Variants in ZCCHC4 observed in about 807,000 individuals in gnomAD.
ZCCHC4 encodes rRNA N(6)-adenosine-methyltransferase ZCCHC4.
Under a neutral mutation model 67.7 loss-of-function variants are expected in ZCCHC4, and 54 were observed. That is an observed-to-expected ratio of 0.80 (90% CI 0.64 to 1.00). The LOEUF is 1.00. Ranked by LOEUF, ZCCHC4 falls within the 50% of genes least tolerant of loss-of-function variation. ZCCHC4 has a pLI of 0.00. For missense variants in ZCCHC4, 609 were observed against 617.0 expected (o/e 0.99, Z 0.14); for synonymous variants, 198 against 213.5 (o/e 0.93, Z 0.63).
At position 25,369,985 on chromosome 4, in the gene ZCCHC4, G is replaced by C. The variant is rs889388347; in HGVS notation, c.*821G>C. 3 of 152,102 alleles carry C rather than the reference G, an allele frequency of 2.0e-5. No homozygotes were observed. Among genetic ancestry groups the C allele is most frequent in the African/African-American group, 7.2e-5 (3 of 41,424 alleles). The allele number at this position is 152,102 out of a possible 1,614,324, so 9.4% of individuals were successfully genotyped here. ...TGGAAAGGGTTTTTACAAAGGCACT[G>C]TTTAGATATACAGATTATAATTATA... On this transcript the variant is annotated 3_prime_UTR_variant, in exon 13 of 13. Coordinates refer to ENST00000302874, the MANE Select transcript of ZCCHC4 (RefSeq NM_024936.3).
At position 25,333,956 on chromosome 4, in the gene ZCCHC4, CA is replaced by C; in HGVS notation, c.655del (p.Ile219LeufsTer56). 1.2e-6 allele frequency: 2 copies of C among 1,605,580 alleles called. No individual in the cohort carries two copies. The highest frequency in any genetic ancestry group is 1.7e-6 in the Non-Finnish European group (2 of 1,178,022). On this transcript the variant is annotated frameshift_variant, in exon 5 of 13. Coordinates refer to ENST00000302874, the MANE Select transcript of ZCCHC4 (RefSeq NM_024936.3). LOFTEE classifies it high-confidence loss of function. ...CAGCATCAGGTGACAAGAAGTCTAA[CA>C]TTAAAAGCCTTTTATTGGATATTGA... ...LTASGDKKSNIKSLLLDIDFR... is the reference protein window; with the variant it reads ...LTASGDKKSNXKSLLLDIDFR...
chr4:25,368,867 CTTG>C (rs199843270), intron 12 of ZCCHC4, among the ~76,000 whole-genome samples, 159 bp from the exon 13 acceptor site: 1,583 of 152,166 alleles, frequency 0.01, 36 homozygotes, highest in African/African-American at 0.035. Context: ...TGACTCTTCC[CTTG>C]TTGTTATGGT....
chr4:25,328,967 C>T (rs1719034779), intron 3 of ZCCHC4, among the ~76,000 whole-genome samples: 1 of 152,044 alleles, frequency 6.6e-6, no homozygotes, highest in Non-Finnish European at 1.5e-5. Flanking sequence ...GCAAGTGGGT[C>T]ACTTGAGCCC....
intron 6 of ZCCHC4, among the ~76,000 whole-genome samples, chr4:25,349,182 T>C (rs1720166718): frequency 6.6e-6 from 1 of 152,220 alleles, no homozygotes. Flanking sequence ...ATAGTTTTCA[T>C]GGGTAATGAG....
At chr4:25,317,856 A>C (rs377021717) in intron 3 of ZCCHC4, among the ~76,000 whole-genome samples, 2 of 152,102 alleles carry the variant, frequency 1.3e-5, no homozygotes, top group Non-Finnish European at 2.9e-5. Flanking sequence ...GTTATACTTT[A>C]TCATGTTCAC....
intron 3 of ZCCHC4, 54 bp downstream of exon 3, chr4:25,315,454 A>C: frequency 7.2e-7 from 1 of 1,386,200 alleles, no homozygotes; most frequent in Non-Finnish European, 9.8e-7. Flanking sequence ...TTTTTTTGTT[A>C]TTGCCTTTTT....
At chr4:25,368,191 G>A (rs1721019289) in intron 12 of ZCCHC4, among the ~76,000 whole-genome samples, 1 of 152,210 alleles carries the variant, frequency 6.6e-6, no homozygotes, top group South Asian at 2.1e-4. Context: ...AAGCTTATGA[G>A]AGGTGAACCT....
chr4:25,320,590 G>T (rs1718532271), intron 3 of ZCCHC4, among the ~76,000 whole-genome samples: 1 of 152,228 alleles, frequency 6.6e-6, no homozygotes. Context: ...AATAAGGGGG[G>T]AAAGCTGAGT....
chr4:25,343,942 C>T (rs1719872418), intron 5 of ZCCHC4, among the ~76,000 whole-genome samples: 1 of 151,978 alleles, frequency 6.6e-6, no homozygotes, highest in Non-Finnish European at 1.5e-5. Context: ...TGATGTGAGT[C>T]ATATGTAAAT....
At chr4:25,343,374 A>C (rs1719844172) in intron 5 of ZCCHC4, among the ~76,000 whole-genome samples, 1 of 152,342 alleles carries the variant, frequency 6.6e-6, no homozygotes, top group South Asian at 2.1e-4. Context: ...ATCTCCACAG[A>C]ACAAGAATAA....
chr4:25,362,506 A>G (rs571183173), intron 10 of ZCCHC4, among the ~76,000 whole-genome samples: 23 of 152,178 alleles, frequency 1.5e-4, no homozygotes, highest in Non-Finnish European at 3.4e-4. Context: ...CATTATCACG[A>G]ACTCATTTTC....
At chr4:25,321,997 A>C (rs1373236288) in intron 3 of ZCCHC4, among the ~76,000 whole-genome samples, 1 of 152,200 alleles carries the variant, frequency 6.6e-6, no homozygotes, top group East Asian at 1.9e-4. Flanking sequence ...GCAAGGACCA[A>C]GTTTTCACGA....
At chr4:25,333,503 G>T in intron 4 of ZCCHC4, 45 bp downstream of exon 4, 1 of 1,587,084 alleles carries the variant, frequency 6.3e-7, no homozygotes, top group Non-Finnish European at 8.6e-7. Context: ...CACCACTATT[G>T]AAACTGTATG....
rs772373450 is a variant in ZCCHC4, at chr4:25,315,309, C to G, written c.247-9C>G. On this transcript the variant is annotated splice_polypyrimidine_tract_variant and intron_variant, in intron 2 of 12. Transcript: ENST00000302874. ...CAGTTTATTCAATGGGTTTTGTACT[C>G]TCTTTCAGTTGTCAGGAGCTAGACT... 3.1e-6 allele frequency: 5 copies of G among 1,609,262 alleles called. No homozygotes were observed. The highest frequency in any genetic ancestry group is 1.7e-5 in the Admixed American group (1 of 59,128).
At chr4:25,340,903 C>G (rs1484057615) in intron 5 of ZCCHC4, among the ~76,000 whole-genome samples, 2 of 152,098 alleles carry the variant, frequency 1.3e-5, no homozygotes, top group African/African-American at 4.8e-5. Context: ...TGTGCCTCTG[C>G]CACCGCTCCT....
At position 25,370,128 on chromosome 4, in the gene ZCCHC4, G is replaced by C. The variant is rs1721090079; in HGVS notation, c.*964G>C. 6.6e-6 allele frequency: 1 copy of C among 152,182 alleles called. No individual in the cohort carries two copies. Among genetic ancestry groups the C allele is most frequent in the African/African-American group, 2.4e-5 (1 of 41,440 alleles). The allele number at this position is 152,182 out of a possible 1,614,324, so 9.4% of individuals were successfully genotyped here. A position where few individuals can be genotyped will look rare whatever the true frequency, so the allele number is the denominator to read the frequency against. On this transcript the variant is annotated 3_prime_UTR_variant, in exon 13 of 13. Transcript: ENST00000302874. ...GATGTTTAGAACTACGACTTGCTCT[G>C]TCATTCCAGTGTCGTTTAACCTATG...
At chr4:25,316,750 C>G (rs1332220800) in intron 3 of ZCCHC4, among the ~76,000 whole-genome samples, 2 of 152,078 alleles carry the variant, frequency 1.3e-5, no homozygotes, top group African/African-American at 4.8e-5. Context: ...ATATTTTCTC[C>G]TATTCTGTAG....
chr4:25,324,490 G>A (rs1222007280), intron 3 of ZCCHC4, among the ~76,000 whole-genome samples: 1 of 152,090 alleles, frequency 6.6e-6, no homozygotes, highest in East Asian at 1.9e-4. Context: ...TCCAGTTACT[G>A]TGTTGTAGAA....
intron 3 of ZCCHC4, among the ~76,000 whole-genome samples, chr4:25,316,392 A>G (rs1372788365): frequency 1.3e-5 from 2 of 152,230 alleles, no homozygotes; most frequent in African/African-American, 2.4e-5. Context: ...AGGAACCGCC[A>G]AACTGTTTTC....
Sources: allele counts gnomAD v4.1 joint callset (sites outside exome capture counted in the v4.1 genomes callset), GRCh38; gene constraint gnomAD v4.1.1; transcripts MANE v1.5; gene names NCBI Gene and HGNC (gene_info 2026-07-23, HGNC 2026-07-21).